Variants in FRMD7 observed in about 807,000 individuals in gnomAD.
FRMD7 encodes FERM domain-containing protein 7.
Under a neutral mutation model 44.1 loss-of-function variants are expected in FRMD7, and 14 were observed. The observed-to-expected ratio is 0.32, with a 90% CI of 0.21 to 0.50. The LOEUF (loss-of-function observed/expected upper bound fraction) is 0.50, where lower values mean the gene tolerates loss of function less well. FRMD7 is among the 20% of genes least tolerant of loss of function. The probability of loss-of-function intolerance (pLI) is 0.99; values close to 1 mark genes in which losing one functional copy is unlikely to be tolerated. For missense variants in FRMD7, 501 were observed against 522.3 expected, an observed-to-expected ratio of 0.96 and a Z score of 0.40; for synonymous variants, 212 against 187.4, an observed-to-expected ratio of 1.13 and a Z score of -1.07.
At chrX:132,117,924 T>C (rs894825953) in intron 1 of FRMD7, among the ~76,000 whole-genome samples, 2 of 112,273 alleles carry the variant, frequency 1.8e-5, no homozygotes, top group African/African-American at 6.5e-5. Context: ...AACTGAATTT[T>C]CCCAGCTTAT....
At chrX:132,090,412 G>A (rs1336082745) in intron 5 of FRMD7, among the ~76,000 whole-genome samples, 1 of 111,649 alleles carries the variant, frequency 9.0e-6, no homozygotes, top group Non-Finnish European at 1.9e-5. Flanking sequence ...GTTAGAGCAT[G>A]CTTTAATTTA....
intron 5 of FRMD7, among the ~76,000 whole-genome samples, chrX:132,086,571 G>A (rs1294623372): frequency 2.8e-5 from 3 of 108,784 alleles, no homozygotes; most frequent in African/African-American, 1.0e-4. Context: ...CACACAGAGA[G>A]ACACCAGGGA....
At chrX:132,081,668 G>T (rs1403482313) in intron 9 of FRMD7, among the ~76,000 whole-genome samples, 1 of 112,806 alleles carries the variant, frequency 8.9e-6, no homozygotes, top group Non-Finnish European at 1.9e-5. Flanking sequence ...AAAAAATCCT[G>T]TATGGGGAAG....
chrX:132,080,274 A>G lies in FRMD7; in HGVS notation c.906-8T>C. The G allele has an allele frequency of 8.7e-7, 1 of 1,144,343 alleles. No individual in the cohort carries two copies. The allele number at this position is 1,144,343 out of a possible 1,213,427, so 94.3% of individuals were successfully genotyped here. A position where few individuals can be genotyped will look rare whatever the true frequency, so the allele number is the denominator to read the frequency against. ...TGCCTTTGGGTTCGTCCACTATCATAAGGAACAATAAAAATCCTTAGTTCT... is the reference window on the plus strand; with the variant it reads ...TGCCTTTGGGTTCGTCCACTATCATGAGGAACAATAAAAATCCTTAGTTCT... On this transcript the variant is annotated splice_region_variant and splice_polypyrimidine_tract_variant and intron_variant, in intron 9 of 11. Transcript: ENST00000298542.
intron 1 of FRMD7, among the ~76,000 whole-genome samples, chrX:132,101,394 G>T (rs941690719): frequency 8.9e-6 from 1 of 112,112 alleles, no homozygotes; most frequent in East Asian, 2.8e-4. Context: ...CCCAGAGAAG[G>T]TTTCTTCAAT....
At chrX:132,099,032 T>C (rs1225015097) in intron 3 of FRMD7, among the ~76,000 whole-genome samples, 1 of 111,808 alleles carries the variant, frequency 8.9e-6, no homozygotes, top group East Asian at 2.8e-4. Context: ...CACTAGATTG[T>C]AAAATATAGG....
intron 5 of FRMD7, among the ~76,000 whole-genome samples, chrX:132,090,702 A>C (rs1230849287): frequency 9.0e-6 from 1 of 111,636 alleles, no homozygotes; most frequent in East Asian, 2.8e-4. Flanking sequence ...GGTGAATTTT[A>C]TGATGTGTAA....
intron 3 of FRMD7, among the ~76,000 whole-genome samples, chrX:132,098,056 C>T (rs1021681174): frequency 9.0e-6 from 1 of 111,399 alleles, no homozygotes; most frequent in Non-Finnish European, 1.9e-5. Context: ...TGGGGAAGCA[C>T]AGAAGGGAGG....
Position 132,086,037 on chromosome X carries a change from G to A in FRMD7, c.383-3C>T, listed in dbSNP as rs774876451. ...TTCATGAAAGTCTCCAAGTTCTGCT[G>A]CATGACAGGAAAAAGACATTTTTCA... On this transcript the variant is annotated splice_region_variant and splice_polypyrimidine_tract_variant and intron_variant, in intron 5 of 11. Coordinates refer to ENST00000298542, the MANE Select transcript of FRMD7 (RefSeq NM_194277.3). The A allele has an allele frequency of 6.3e-6, 7 of 1,112,168 alleles. No individual in the cohort carries two copies. The highest frequency in any genetic ancestry group is 8.7e-6 in the Non-Finnish European group (7 of 804,698). The allele number at this position is 1,112,168 out of a possible 1,213,427, so 91.7% of individuals were successfully genotyped here.
intron 5 of FRMD7, among the ~76,000 whole-genome samples, chrX:132,092,582 C>A (rs986281503): frequency 8.9e-6 from 1 of 111,824 alleles, no homozygotes; most frequent in Non-Finnish European, 1.9e-5. Context: ...TACTGACAGA[C>A]AATATCCTCT....
intron 1 of FRMD7, among the ~76,000 whole-genome samples, chrX:132,124,426 G>A (rs764182390): frequency 8.9e-5 from 10 of 111,750 alleles, no homozygotes; most frequent in Non-Finnish European, 1.9e-4. Context: ...ATGAGGGCTT[G>A]AAAAGTAAGA....
intron 1 of FRMD7, among the ~76,000 whole-genome samples, chrX:132,119,903 T>C (rs1364070479): frequency 9.0e-6 from 1 of 111,422 alleles, no homozygotes; most frequent in African/African-American, 3.3e-5. Flanking sequence ...CTCTCAGCAG[T>C]AGAACTGGTC....
intron 1 of FRMD7, among the ~76,000 whole-genome samples, chrX:132,122,077 G>T (rs1308052643): frequency 8.9e-6 from 1 of 112,238 alleles, no homozygotes; most frequent in African/African-American, 3.2e-5. Flanking sequence ...ATCATCAAAA[G>T]AAAGTCCAGT....
chrX:132,126,951 A>T (rs1171037014), intron 1 of FRMD7, among the ~76,000 whole-genome samples: 1 of 112,779 alleles, frequency 8.9e-6, no homozygotes, highest in Non-Finnish European at 1.9e-5. Flanking sequence ...GAGCCACAGC[A>T]GTTGTCAGTT....
Position 132,080,172 on chromosome X carries a change from C to T in FRMD7, c.974+26G>A, listed in dbSNP as rs758060449. ...CTCCAAATTCAACATAAAATCAACACGAGCAAGAGAAACAAAATCATGTAC... is the reference window on the plus strand; with the variant it reads ...CTCCAAATTCAACATAAAATCAACATGAGCAAGAGAAACAAAATCATGTAC... On this transcript the variant is annotated intron_variant, in intron 10 of 11. Transcript: ENST00000298542. The T allele has an allele frequency of 1.8e-5, 21 of 1,165,791 alleles. No homozygotes were observed. In the East Asian group the frequency reaches 3.6e-4, roughly 20 times the overall value.
Position 132,100,476 on chromosome X carries a change from T to C in FRMD7, c.162+136A>G, listed in dbSNP as rs58763302. On this transcript the variant is annotated intron_variant, in intron 2 of 11. Transcript: ENST00000298542. The stretch of plus-strand genomic sequence containing the variant: ...AAAGAGGGAGGACAAAAACTAGTTA[T>C]TAAATCTAATCATGTTGCAAGGGTG... 0.13 allele frequency: 68,051 copies of C among 511,823 alleles called. 3,789 individuals are homozygous for C. The highest frequency in any genetic ancestry group is 0.25 in the African/African-American group (10,494 of 42,683). The allele number at this position is 511,823 out of a possible 1,213,427, so 42.2% of individuals were successfully genotyped here. A position where few individuals can be genotyped will look rare whatever the true frequency, so the allele number is the denominator to read the frequency against.
intron 1 of FRMD7, among the ~76,000 whole-genome samples, chrX:132,123,532 A>C (rs964852206): frequency 1.8e-5 from 2 of 112,380 alleles, no homozygotes; most frequent in Admixed American, 1.9e-4. Flanking sequence ...CTAAACTACA[A>C]AAGATCCTTC....
chrX:132,111,647 T>C (rs989085492), intron 1 of FRMD7, among the ~76,000 whole-genome samples: 4 of 111,954 alleles, frequency 3.6e-5, no homozygotes, highest in African/African-American at 1.3e-4. Context: ...TCTTTTACTC[T>C]TCAAATCCTG....
intron 1 of FRMD7, among the ~76,000 whole-genome samples, chrX:132,106,699 G>A (rs1403803674): frequency 1.8e-5 from 2 of 112,406 alleles, no homozygotes; most frequent in Non-Finnish European, 3.8e-5. Flanking sequence ...CCATAAAAAA[G>A]AACAGGATCA....
Sources: allele counts gnomAD v4.1 joint callset (sites outside exome capture counted in the v4.1 genomes callset), GRCh38; gene constraint gnomAD v4.1.1; transcripts MANE v1.5; gene names NCBI Gene and HGNC (gene_info 2026-07-23, HGNC 2026-07-21).